Variants in PTK2B observed in about 807,000 individuals in gnomAD.
PTK2B encodes protein tyrosine kinase 2 beta.
A neutral mutation model predicts 142.9 loss-of-function variants in PTK2B; 71 were observed. The observed-to-expected ratio is 0.50, with a 90% CI of 0.41 to 0.61. The LOEUF (loss-of-function observed/expected upper bound fraction) is 0.61, where lower values mean the gene tolerates loss of function less well. PTK2B is among the 20% of genes least tolerant of loss of function. The pLI is 0.00. For missense variants in PTK2B, 1,105 were observed against 1,320.4 expected (o/e 0.84, Z 2.53); for synonymous variants, 519 against 503.4 (o/e 1.03, Z -0.42).
chr8:27,447,505 A>C (rs1586350903), intron 24 of PTK2B, among the ~76,000 whole-genome samples: 1 of 152,328 alleles, frequency 6.6e-6, no homozygotes, highest in African/African-American at 2.4e-5. Context: ...GGGATGCCAT[A>C]CCAGCATTGG....
At chr8:27,458,203 C>A in intron 30 of PTK2B, 91 bp from the exon 31 acceptor site, 3 of 1,302,218 alleles carry the variant, frequency 2.3e-6, no homozygotes, top group Non-Finnish European at 2.1e-6. Flanking sequence ...ATTGCTTTGG[C>A]CAGCATGCAG....
chr8:27,320,128 C>T (rs916511777), intron 3 of PTK2B, among the ~76,000 whole-genome samples: 39 of 151,998 alleles, frequency 2.6e-4, no homozygotes, highest in Admixed American at 2.3e-3. Flanking sequence ...CTGGGTGGTA[C>T]CTGCGATTCA....
At position 27,361,743 on chromosome 8, in the gene PTK2B, C is replaced by CCA. The variant is rs1805718777; in HGVS notation, c.-37-35803_-37-35802dup. Among the ~76,000 whole-genome samples, 22 of 152,182 alleles carry CCA rather than the reference C, an allele frequency of 1.4e-4. No individual in the cohort carries two copies. The South Asian group carries it at 4.4e-3, about 30-fold the overall frequency. ...CAGGGGTGGTGGTTGTGGCTGAGGCCCACTGCCTGCTTTTCTGGTGCTCTC... is the reference window on the plus strand; with the variant it reads ...CAGGGGTGGTGGTTGTGGCTGAGGCCCACACTGCCTGCTTTTCTGGTGCTCTC... On this transcript the variant is annotated intron_variant, in intron 1 of 30. Transcript: ENST00000346049.
chr8:27,436,454 G>A, intron 15 of PTK2B, 106 bp downstream of exon 15: 10 of 1,028,906 alleles, frequency 9.7e-6, no homozygotes, highest in Non-Finnish European at 1.4e-5. Flanking sequence ...ATCCACTTGG[G>A]GCCCCTTGTC....
Position 27,405,701 on chromosome 8 carries a change from C to T in PTK2B, c.204+7913C>T, listed in dbSNP as rs541558774. 2.0e-4 allele frequency among the ~76,000 whole-genome samples: 30 copies of T among 152,356 alleles called. No individual in the cohort carries two copies. The South Asian group carries it at 5.0e-3, about 25-fold the overall frequency. On this transcript the variant is annotated intron_variant, in intron 2 of 30. Coordinates refer to ENST00000346049, the MANE Select transcript of PTK2B (RefSeq NM_173176.3). ...GGTTCCGGGCCTTTGTGGATCTCCACGCCCACATTCATTGCATCCACAAAT... is the reference window on the plus strand; with the variant it reads ...GGTTCCGGGCCTTTGTGGATCTCCATGCCCACATTCATTGCATCCACAAAT...
rs1413411310 is a variant in PTK2B, at chr8:27,454,555, C to G, written c.2758C>G (p.Leu920Val). ...GAATGTGGGGCTGACCCTGCGGAAG[C>G]TCATCGGGAGCGTGGATGATCTCCT... Reference protein sequence around the residue: ...VKNVGLTLRKLIGSVDDLLPS... With the variant: ...VKNVGLTLRKVIGSVDDLLPS... The change falls in exon 30 of 31, where the codon CTC becomes GTC. Residue 920 changes from leucine to valine, a missense_variant. Coordinates refer to ENST00000346049, the MANE Select transcript of PTK2B (RefSeq NM_173176.3). The G allele has an allele frequency of 6.2e-7, 1 of 1,614,220 alleles. No individual in the cohort carries two copies. Among genetic ancestry groups the G allele is most frequent in the Admixed American group, 1.7e-5 (1 of 60,036 alleles).
chr8:27,338,406 G>C (rs915457290), intron 1 of PTK2B, among the ~76,000 whole-genome samples: 1 of 152,024 alleles, frequency 6.6e-6, no homozygotes, highest in African/African-American at 2.4e-5. Context: ...AGGGTGGGAG[G>C]GGGGTGAGGG....
chr8:27,378,601 C>CTGTGTGTG (rs58485965), intron 1 of PTK2B, among the ~76,000 whole-genome samples: 41 of 148,282 alleles, frequency 2.8e-4, no homozygotes, highest in Admixed American at 1.3e-3. Flanking sequence ...TACAGCTTAT[C>CTGTGTGTG]TGTGTGTGTG....
At chr8:27,344,709 G>A (rs908533615) in intron 1 of PTK2B, among the ~76,000 whole-genome samples, 1 of 152,188 alleles carries the variant, frequency 6.6e-6, no homozygotes, top group African/African-American at 2.4e-5. Flanking sequence ...TACACCAGGT[G>A]TAAACTCACT....
rs749473260 is a variant in PTK2B, at chr8:27,422,307, C to T, written c.475C>T (p.Arg159Trp). ...GCTTGACCTTTCTCCCCACCAGCTC[C>T]GGAACGACTACATGCAGCGCTACGC... ...TTLLYFYQQL[R>W]NDYMQRYASK... Residue 159 changes from arginine (R) to tryptophan (W), a missense_variant, in exon 5 of 31, where the codon CGG becomes TGG. Physicochemically the swap from Arg to Trp is moderately radical, Grantham distance 101 (BLOSUM62 -3). Coordinates refer to ENST00000346049, the MANE Select transcript of PTK2B (RefSeq NM_173176.3). 8.1e-6 allele frequency: 13 copies of T among 1,613,236 alleles called. No homozygotes were observed. The highest frequency in any genetic ancestry group is 6.7e-5 in the Admixed American group (4 of 59,912).
At chr8:27,414,557 G>T (rs561154464) in intron 2 of PTK2B, among the ~76,000 whole-genome samples, 14 of 94,604 alleles carry the variant, frequency 1.5e-4, no homozygotes, top group African/African-American at 5.8e-4. Flanking sequence ...GGCTGTCACT[G>T]CTTCTAAGTC....
intron 24 of PTK2B, among the ~76,000 whole-genome samples, chr8:27,449,918 A>G (rs1452568218): frequency 1.3e-5 from 2 of 152,146 alleles, no homozygotes; most frequent in Non-Finnish European, 2.9e-5. Flanking sequence ...CTATCAAACT[A>G]TATTTCTTTG....
intron 1 of PTK2B, among the ~76,000 whole-genome samples, chr8:27,351,612 A>T (rs943729913): frequency 3.0e-4 from 46 of 152,184 alleles, no homozygotes; most frequent in East Asian, 1.9e-4. Context: ...ATTAATTAAT[A>T]AATAAATAAA....
At position 27,319,835 on chromosome 8, in the gene PTK2B, A is replaced by G. The variant is rs1803172417; in HGVS notation, c.-413-2567A>G. 2.0e-5 allele frequency among the ~76,000 whole-genome samples: 3 copies of G among 152,166 alleles called. No homozygotes were observed. The South Asian group carries it at 6.2e-4, about 32-fold the overall frequency. On this transcript the variant is annotated intron_variant, in intron 3 of 35. Coordinates refer to the PTK2B transcript ENST00000397501. ...ACTTATATCTAAAAGAAAATAGGAT[A>G]AATGGTGGTGTATTAGCTAGGATGC...
intron 1 of PTK2B, among the ~76,000 whole-genome samples, chr8:27,368,230 C>T (rs1806133468): frequency 6.6e-6 from 1 of 152,214 alleles, no homozygotes. Context: ...CCCCAAATAT[C>T]CTGCTCTCTT....
At chr8:27,347,422 C>G (rs1232539415) in intron 1 of PTK2B, among the ~76,000 whole-genome samples, 2 of 152,288 alleles carry the variant, frequency 1.3e-5, no homozygotes, top group South Asian at 4.1e-4. Context: ...CAACTGTCAT[C>G]AGAAAGTACC....
intron 1 of PTK2B, among the ~76,000 whole-genome samples, chr8:27,362,652 G>C (rs1805780801): frequency 1.3e-5 from 2 of 150,186 alleles, no homozygotes; most frequent in Admixed American, 1.3e-4. Flanking sequence ...CTTCCTTGGG[G>C]CCCTCTGGCC....
At chr8:27,324,731 A>G (rs1803315698), upstream of PTK2B, among the ~76,000 whole-genome samples, 2 of 152,168 alleles carry the variant, frequency 1.3e-5, no homozygotes, top group Non-Finnish European at 2.9e-5. Flanking sequence ...GGCTCTGGAG[A>G]GGACATTGTA....
At chr8:27,440,765 C>T (rs1811111030) in intron 21 of PTK2B, among the ~76,000 whole-genome samples, 1 of 152,212 alleles carries the variant, frequency 6.6e-6, no homozygotes, top group South Asian at 2.1e-4. Flanking sequence ...GTTGAGGCAT[C>T]CTACCTGCTT....
Sources: allele counts gnomAD v4.1 joint callset (sites outside exome capture counted in the v4.1 genomes callset), GRCh38; gene constraint gnomAD v4.1.1; transcripts MANE v1.5; gene names NCBI Gene and HGNC (gene_info 2026-07-23, HGNC 2026-07-21).